Variants in SYCP2L observed in about 807,000 individuals in gnomAD.
The protein encoded by SYCP2L is synaptonemal complex protein 2-like.
Under a neutral mutation model 125.8 loss-of-function variants are expected in SYCP2L, and 98 were observed. The observed-to-expected ratio is 0.78, with a 90% CI of 0.66 to 0.92. The LOEUF (loss-of-function observed/expected upper bound fraction) is 0.92. SYCP2L is among the 40% of genes least tolerant of loss of function. SYCP2L has a pLI of 0.00. For missense variants in SYCP2L, 842 were observed against 936.4 expected (o/e 0.90, Z 1.32); for synonymous variants, 317 against 325.4 (o/e 0.97, Z 0.28).
At chr6:10,964,473 G>A (rs1479708517) in intron 29 of SYCP2L, among the ~76,000 whole-genome samples, 1 of 152,130 alleles carries the variant, frequency 6.6e-6, no homozygotes, top group Non-Finnish European at 1.5e-5. Context: ...TGCAGAATAT[G>A]CACTGGTTGA....
chr6:10,967,455 GT>G (rs1376786665), intron 29 of SYCP2L, among the ~76,000 whole-genome samples: 751 of 23,624 alleles, frequency 0.032, 4 homozygotes, highest in African/African-American at 0.083. Context: ...GGGGTAGAGG[GT>G]GTGTGTGTGT....
At chr6:10,944,711 T>A (rs115810202) in intron 23 of SYCP2L, among the ~76,000 whole-genome samples, 4,493 of 152,164 alleles carry the variant, frequency 0.03, 99 homozygotes, top group South Asian at 0.051. Context: ...TATTATTTTT[T>A]ATTTTTTAAT....
At chr6:10,897,782 C>A (rs1487669992) in intron 4 of SYCP2L, among the ~76,000 whole-genome samples, 1 of 152,120 alleles carries the variant, frequency 6.6e-6, no homozygotes, top group African/African-American at 2.4e-5. Context: ...GGCTGGGACT[C>A]TTATTTTGTG....
intron 2 of SYCP2L, among the ~76,000 whole-genome samples, chr6:10,893,486 T>C (rs1780208620): frequency 6.6e-6 from 1 of 152,182 alleles, no homozygotes; most frequent in Admixed American, 6.5e-5. Context: ...GTTTTAGAAT[T>C]CCCAACATTG....
At chr6:10,919,943 A>G (rs1780763601) in intron 14 of SYCP2L, among the ~76,000 whole-genome samples, 1 of 152,026 alleles carries the variant, frequency 6.6e-6, no homozygotes, top group Non-Finnish European at 1.5e-5. Flanking sequence ...CCTCAAAACC[A>G]CCAAGTCTGT....
chr6:10,890,764 G>A (rs1360704231), intron 1 of SYCP2L, among the ~76,000 whole-genome samples: 1 of 152,130 alleles, frequency 6.6e-6, no homozygotes, highest in Non-Finnish European at 1.5e-5. Context: ...TCTTTGCCCA[G>A]ACCAATGTCC....
intron 10 of SYCP2L, among the ~76,000 whole-genome samples, chr6:10,908,589 G>T (rs1208203915): frequency 2.0e-5 from 3 of 152,164 alleles, no homozygotes; most frequent in Non-Finnish European, 2.9e-5. Flanking sequence ...TAAAATGAGG[G>T]TTAGACTCTT....
At chr6:10,966,029 C>A (rs1237251073) in intron 29 of SYCP2L, among the ~76,000 whole-genome samples, 1 of 152,130 alleles carries the variant, frequency 6.6e-6, no homozygotes, top group Non-Finnish European at 1.5e-5. Flanking sequence ...AGGAGAATTG[C>A]TTGAACCCAG....
At chr6:10,907,715 T>G in intron 10 of SYCP2L, 31 bp downstream of exon 10, 1 of 1,606,772 alleles carries the variant, frequency 6.2e-7, no homozygotes, top group Non-Finnish European at 8.5e-7. Flanking sequence ...AATTTCTTAT[T>G]AGCCAATATT....
chr6:10,945,159 G>A (rs1438918450), intron 23 of SYCP2L, among the ~76,000 whole-genome samples: 1 of 152,152 alleles, frequency 6.6e-6, no homozygotes, highest in Non-Finnish European at 1.5e-5. Context: ...AACATAGTCT[G>A]TATGATTATA....
At chr6:10,961,642 G>A in intron 28 of SYCP2L, 84 bp downstream of exon 28, 5 of 1,354,384 alleles carry the variant, frequency 3.7e-6, no homozygotes, top group African/African-American at 2.9e-5. Context: ...AGTTGGTGAC[G>A]GTAAAACTCC....
intron 19 of SYCP2L, among the ~76,000 whole-genome samples, chr6:10,931,000 A>G (rs1198991722): frequency 6.6e-6 from 1 of 152,090 alleles, no homozygotes; most frequent in African/African-American, 2.4e-5. Flanking sequence ...TGGTGAGACC[A>G]CACCTCTAGA....
intron 14 of SYCP2L, among the ~76,000 whole-genome samples, chr6:10,917,534 G>A (rs1393020338): frequency 6.6e-6 from 1 of 152,122 alleles, no homozygotes; most frequent in African/African-American, 2.4e-5. Flanking sequence ...GTTTATGTGA[G>A]TCCTTATGTG....
At chr6:10,890,954 T>A (rs879494863) in intron 1 of SYCP2L, among the ~76,000 whole-genome samples, 1 of 152,198 alleles carries the variant, frequency 6.6e-6, no homozygotes, top group Non-Finnish European at 1.5e-5. Context: ...CCCATGAATG[T>A]TCTTGACACC....
At chr6:10,940,535 G>C (rs1281440016) in intron 21 of SYCP2L, among the ~76,000 whole-genome samples, 1 of 152,130 alleles carries the variant, frequency 6.6e-6, no homozygotes, top group Admixed American at 6.6e-5. Context: ...CAACAACATG[G>C]ATAAACCTGG....
intron 23 of SYCP2L, among the ~76,000 whole-genome samples, chr6:10,949,818 A>C (rs1781379178): frequency 6.6e-6 from 1 of 151,632 alleles, no homozygotes; most frequent in South Asian, 2.1e-4. Flanking sequence ...TGGATTAAAA[A>C]AAATCTGATC....
At chr6:10,903,003 A>G (rs1422177927) in intron 8 of SYCP2L, 40 bp downstream of exon 8, 2 of 1,523,902 alleles carry the variant, frequency 1.3e-6, no homozygotes, top group South Asian at 2.2e-5. Context: ...TAGTAAGGGT[A>G]AAATCTCTCA....
chr6:10,903,695 G>A (rs1045893157), intron 8 of SYCP2L, among the ~76,000 whole-genome samples: 1 of 152,010 alleles, frequency 6.6e-6, no homozygotes, highest in East Asian at 1.9e-4. Context: ...AGGTTGCAGT[G>A]AGCTGAGATT....
intron 20 of SYCP2L, among the ~76,000 whole-genome samples, chr6:10,933,102 T>C (rs1407642732): frequency 6.6e-6 from 1 of 152,232 alleles, no homozygotes; most frequent in Non-Finnish European, 1.5e-5. Flanking sequence ...GCAAGAAATC[T>C]ATGTTGATTT....
Sources: gnomAD v4.1 joint callset for allele counts (sites outside exome capture counted in the v4.1 genomes callset) on GRCh38, gnomAD v4.1.1 for gene constraint, MANE v1.5 for transcripts, NCBI Gene and HGNC (gene_info 2026-07-23, HGNC 2026-07-21) for gene names.